Variants in VSIG4 observed in about 807,000 individuals in gnomAD.
VSIG4 encodes V-set and immunoglobulin domain containing 4.
VSIG4 carries 34 observed loss-of-function variants against 23.4 expected under a neutral mutation model. That is an observed-to-expected ratio of 1.45 (90% CI 1.10 to 1.93). VSIG4 has a LOEUF of 1.93. Among genes scored for constraint, VSIG4 ranks in the 30% most tolerant of loss-of-function variants. The pLI is 0.00. For synonymous variants in VSIG4, 169 were observed against 120.3 expected (o/e 1.41, Z -2.65); for missense variants, 433 against 310.8 (o/e 1.39, Z -2.96).
chrX:66,024,319 C>T (rs1449484675), intron 6 of VSIG4, among the ~76,000 whole-genome samples: 2 of 112,307 alleles, frequency 1.8e-5, no homozygotes, highest in Non-Finnish European at 3.8e-5. Flanking sequence ...AGTGCCCTTG[C>T]AAGGCCTAGT....
intron 5 of VSIG4, among the ~76,000 whole-genome samples, chrX:66,026,938 T>A (rs1220460860): frequency 9.0e-6 from 1 of 111,651 alleles, no homozygotes; most frequent in Non-Finnish European, 1.9e-5. Context: ...TGTAGTCATG[T>A]GAAGGCATAC....
intron 5 of VSIG4, among the ~76,000 whole-genome samples, 190 bp downstream of exon 5, chrX:66,027,259 T>C (rs9306698): frequency 0.35 from 38,738 of 111,048 alleles, 8,880 homozygotes; most frequent in African/African-American, 0.85. Flanking sequence ...TTTGCTCATC[T>C]CTGGATCTGT....
intron 4 of VSIG4, 80 bp from the exon 5 acceptor site, chrX:66,027,606 G>T: frequency 1.2e-6 from 1 of 829,915 alleles, no homozygotes; most frequent in Non-Finnish European, 1.8e-6. Flanking sequence ...GCAAAGGTTG[G>T]AGTCCTTCCC....
intron 5 of VSIG4, among the ~76,000 whole-genome samples, chrX:66,026,175 G>T (rs767567815): frequency 7.4e-4 from 82 of 111,514 alleles, no homozygotes; most frequent in Non-Finnish European, 1.4e-3. Flanking sequence ...GCTAGGTCAG[G>T]GGGGATAGAG....
chrX:66,037,356 T>C (rs1342140343), intron 1 of VSIG4, among the ~76,000 whole-genome samples: 1 of 23,846 alleles, frequency 4.2e-5, no homozygotes, highest in Non-Finnish European at 5.5e-5. Flanking sequence ...ATATAATATA[T>C]ATTATATAAT....
intron 5 of VSIG4, 150 bp from the exon 6 acceptor site, chrX:66,025,279 C>A: frequency 2.5e-6 from 1 of 401,059 alleles, no homozygotes; most frequent in Non-Finnish European, 4.3e-6. Context: ...AGAAAAAACT[C>A]CAGTCCCATG....
chrX:66,039,709 G>A (rs2085661301), intron 1 of VSIG4, among the ~76,000 whole-genome samples: 1 of 111,953 alleles, frequency 8.9e-6, no homozygotes, highest in Non-Finnish European at 1.9e-5. Flanking sequence ...TAATGCAGAT[G>A]TTTTCCAAGA....
chrX:66,032,317 C>T lies in VSIG4; in HGVS notation c.694+151G>A. 5 of 657,518 alleles carry T rather than the reference C, an allele frequency of 7.6e-6. No individual in the cohort carries two copies. In the South Asian group the frequency reaches 1.6e-4, roughly 21 times the overall value. The allele number at this position is 657,518 out of a possible 1,213,427, so 54.2% of individuals were successfully genotyped here. A position where few individuals can be genotyped will look rare whatever the true frequency, so the allele number is the denominator to read the frequency against. On this transcript the variant is annotated intron_variant, in intron 3 of 7. Coordinates refer to ENST00000374737, the MANE Select transcript of VSIG4 (RefSeq NM_007268.3). Reference sequence around the variant, plus strand: ...GCAATGTCTCTATCCCTGTTGTCCCCAGTCCAAGTTTTTTTTCTTTGTGAT... The same window carrying T: ...GCAATGTCTCTATCCCTGTTGTCCCTAGTCCAAGTTTTTTTTCTTTGTGAT...
In VSIG4 at chrX:66,021,959, A is replaced by C. The variant is rs1338325995; in HGVS notation, c.*304T>G. The stretch of plus-strand genomic sequence containing the variant: ...TGGTGGCAAGATGCCAAAGTTGAAT[A>C]GTGTCTGTAGGCATGATGACCAAGT... On this transcript the variant is annotated 3_prime_UTR_variant, in exon 8 of 8. Transcript: ENST00000374737. The C allele has an allele frequency of 1.1e-6, 1 of 871,144 alleles. No individual in the cohort carries two copies. The highest frequency in any genetic ancestry group is 1.6e-6 in the Non-Finnish European group (1 of 630,036). The allele number at this position is 871,144 out of a possible 1,213,427, so 71.8% of individuals were successfully genotyped here. A position where few individuals can be genotyped will look rare whatever the true frequency, so the allele number is the denominator to read the frequency against.
intron 5 of VSIG4, among the ~76,000 whole-genome samples, chrX:66,026,808 G>A (rs961723733): frequency 1.8e-5 from 2 of 111,552 alleles, no homozygotes; most frequent in African/African-American, 6.5e-5. Flanking sequence ...CATGGGGGTG[G>A]TCTAGAGAGT....
intron 3 of VSIG4, among the ~76,000 whole-genome samples, chrX:66,032,023 T>G (rs1483704909): frequency 1.8e-5 from 2 of 111,595 alleles, no homozygotes; most frequent in Non-Finnish European, 3.8e-5. Flanking sequence ...TGAGAAACAA[T>G]CAGACATAGT....
chrX:66,036,767 ATATAT>A (rs1413980448), intron 1 of VSIG4, among the ~76,000 whole-genome samples: 20 of 41,894 alleles, frequency 4.8e-4, no homozygotes, highest in Non-Finnish European at 6.7e-4. Context: ...ATAATATAAT[ATATAT>A]TATATTATAT....
chrX:66,026,661 C>T (rs1236781970), intron 5 of VSIG4, among the ~76,000 whole-genome samples: 4 of 112,254 alleles, frequency 3.6e-5, no homozygotes, highest in Admixed American at 9.4e-5. Flanking sequence ...GAAGTCCACT[C>T]TCTCAATTAT....
chrX:66,033,929 C>A (rs190951322), intron 1 of VSIG4, 99 bp from the exon 2 acceptor site: 4 of 657,619 alleles, frequency 6.1e-6, no homozygotes, highest in African/African-American at 2.2e-5. Flanking sequence ...CTGAGAAATG[C>A]CACTCAACTT....
rs1217319552 is a variant in VSIG4, at chrX:66,022,413, G to T, written c.1050C>A (p.Ser350=). The part of the protein sequence containing the change: ...ASGCSSDEPT[S]QNLGNNYSDE... ...CAGAGTAGTTGTTGCCCAGATTCTG[G>T]GAAGTTGGCTCATCACTGGAGCAGC... The change falls in exon 8 of 8, where the codon TCC becomes TCA. Residue 350 remains serine (S), a synonymous_variant. Coordinates refer to ENST00000374737, the MANE Select transcript of VSIG4 (RefSeq NM_007268.3). The T allele has an allele frequency of 2.5e-6, 3 of 1,212,022 alleles. No individual in the cohort carries two copies. Among genetic ancestry groups the T allele is most frequent in the South Asian group, 3.5e-5 (2 of 57,016 alleles).
At chrX:66,039,221 G>A (rs1350237875) in intron 1 of VSIG4, among the ~76,000 whole-genome samples, 2 of 112,158 alleles carry the variant, frequency 1.8e-5, no homozygotes, top group African/African-American at 6.5e-5. Flanking sequence ...TCAGCTTGGA[G>A]GAGAGAAGAG....
In VSIG4 at chrX:66,021,899, C is replaced by T; in HGVS notation, c.*364G>A. 1 of 394,929 alleles carries T rather than the reference C, an allele frequency of 2.5e-6. No individual in the cohort carries two copies. Among genetic ancestry groups the T allele is most frequent in the Non-Finnish European group, 4.4e-6 (1 of 228,490 alleles). The allele number at this position is 394,929 out of a possible 1,213,427, so 32.5% of individuals were successfully genotyped here. A position where few individuals can be genotyped will look rare whatever the true frequency, so the allele number is the denominator to read the frequency against. ...AATGATCCTGGATATAGCTGGTCCT[C>T]TGAGCTGGCAGAGCTGAGCCTCCCT... On this transcript the variant is annotated 3_prime_UTR_variant, in exon 8 of 8. Transcript: ENST00000374737.
chrX:66,028,378 A>T (rs770704069), intron 3 of VSIG4, among the ~76,000 whole-genome samples: 3 of 110,522 alleles, frequency 2.7e-5, no homozygotes, highest in Non-Finnish European at 3.8e-5. Flanking sequence ...ATGGGAAAAT[A>T]TATTTTATTT....
At chrX:66,038,215 G>C (rs1457406892) in intron 1 of VSIG4, among the ~76,000 whole-genome samples, 1 of 111,705 alleles carries the variant, frequency 9.0e-6, no homozygotes, top group Non-Finnish European at 1.9e-5. Flanking sequence ...GGCCGCTACA[G>C]GGTTTTTAGC....
Sources: allele counts gnomAD v4.1 joint callset (sites outside exome capture counted in the v4.1 genomes callset), GRCh38; gene constraint gnomAD v4.1.1; transcripts MANE v1.5; gene names NCBI Gene and HGNC (gene_info 2026-07-23, HGNC 2026-07-21).